The following CCDC102B variants were observed in gnomAD, a reference collection of about 807,000 sequenced individuals.
CCDC102B encodes coiled-coil domain-containing protein 102B.
Under a neutral mutation model 57.4 loss-of-function variants are expected in CCDC102B, and 75 were observed. The ratio of observed to expected loss-of-function variants is 1.31; its 90% CI spans 1.08 to 1.58. The LOEUF (loss-of-function observed/expected upper bound fraction) is 1.58. Ranked by LOEUF, CCDC102B falls within the 40% of genes most tolerant of loss-of-function variation. CCDC102B has a pLI of 0.00. For missense variants in CCDC102B, 636 were observed against 582.6 expected, an observed-to-expected ratio of 1.09 and a Z score of -0.94; for synonymous variants, 206 against 201.9, an observed-to-expected ratio of 1.02 and a Z score of -0.17.
At chr18:68,902,634 T>C (rs1475687131) in intron 6 of CCDC102B, among the ~76,000 whole-genome samples, 1 of 152,194 alleles carries the variant, frequency 6.6e-6, no homozygotes, top group Non-Finnish European at 1.5e-5. Flanking sequence ...TCCTATTGCT[T>C]GTTTACCTGT....
At chr18:69,010,098 ATT>A (rs71717825) in intron 6 of CCDC102B, among the ~76,000 whole-genome samples, 46,250 of 55,006 alleles carry the variant, frequency 0.84, 20,270 homozygotes, top group Non-Finnish European at 0.97. Context: ...TGCCCGGCTA[ATT>A]TTTTTTTTTT....
chr18:68,838,492 T>C, intron 2 of CCDC102B: 2 of 985,236 alleles, frequency 2.0e-6, no homozygotes, highest in Non-Finnish European at 2.4e-6. Flanking sequence ...TTTTGAGAAA[T>C]GTATTTTTTT....
At chr18:68,956,572 T>TA (rs1555733260) in intron 6 of CCDC102B, among the ~76,000 whole-genome samples, 34 of 5,530 alleles carry the variant, frequency 6.1e-3, no homozygotes, top group East Asian at 0.013. Context: ...ATTATATATT[T>TA]TATATATATA....
At chr18:68,730,492 T>C (rs1160300728) in intron 2 of CCDC102B, among the ~76,000 whole-genome samples, 2 of 152,200 alleles carry the variant, frequency 1.3e-5, no homozygotes, top group African/African-American at 2.4e-5. Context: ...GTAGTTATTA[T>C]GCCATTTTTT....
In CCDC102B at chr18:68,825,044, CTCTT is replaced by C. The variant is rs371300608; in HGVS notation, c.-15-11700_-15-11697del. On this transcript the variant is annotated intron_variant, in intron 1 of 7. Coordinates refer to ENST00000360242, the MANE Select transcript of CCDC102B (RefSeq NM_024781.3). ...CTTTTTCTTTCTCTTTTATCTTTCT[CTCTT>C]TCTTGCTGTCCACAAGTTTCATTGT... is the stretch of plus-strand genomic sequence containing the variant. Among the ~76,000 whole-genome samples the C allele has an allele frequency of 1.4e-3, 207 of 152,280 alleles. 1 individual carries two copies. Among genetic ancestry groups the C allele is most frequent in the African/African-American group, 4.7e-3 (194 of 41,574 alleles).
intron 1 of CCDC102B, among the ~76,000 whole-genome samples, chr18:68,807,582 C>T (rs1233548470): frequency 6.6e-6 from 1 of 152,094 alleles, no homozygotes; most frequent in Non-Finnish European, 1.5e-5. Flanking sequence ...TGCAGCTTTC[C>T]TTGCACATGG....
Position 68,790,538 on chromosome 18 carries a change from G to A in CCDC102B, c.-66-32828G>A, listed in dbSNP as rs539917702. Among the ~76,000 whole-genome samples, 28 of 152,276 alleles carry A rather than the reference G, an allele frequency of 1.8e-4. No individual in the cohort carries two copies. In the South Asian group the frequency reaches 2.9e-3, roughly 16 times the overall value. ...GCGGGATATAATCTCGTGGTGCGCC[G>A]TTTTTCAAGCCCGTCGGAAAAGTGC... is the stretch of plus-strand genomic sequence containing the variant. On this transcript the variant is annotated intron_variant, in intron 2 of 3. Coordinates refer to the CCDC102B transcript ENST00000578970.
intron 2 of CCDC102B, among the ~76,000 whole-genome samples, chr18:68,782,499 A>T (rs1036629987): frequency 6.6e-6 from 1 of 152,152 alleles, no homozygotes. Context: ...TAATTAGCTA[A>T]TTGCACTGCA....
intron 6 of CCDC102B, among the ~76,000 whole-genome samples, chr18:68,997,987 G>A (rs972406674): frequency 2.0e-5 from 3 of 151,826 alleles, no homozygotes; most frequent in African/African-American, 2.4e-5. Context: ...TAGCTTTTCC[G>A]TCAGATTGAT....
At chr18:69,010,904 A>C in intron 6 of CCDC102B, 30 bp from the exon 7 acceptor site, 1 of 1,523,824 alleles carries the variant, frequency 6.6e-7, no homozygotes, top group Non-Finnish European at 8.9e-7. Flanking sequence ...ATAGACTATA[A>C]ATAATGTAAT....
intron 4 of CCDC102B, among the ~76,000 whole-genome samples, chr18:68,868,770 C>G (rs1328013863): frequency 1.3e-5 from 2 of 152,036 alleles, no homozygotes; most frequent in East Asian, 1.9e-4. Context: ...AATTTATTGA[C>G]CAAGGTCAAT....
chr18:68,752,030 G>A (rs1284500119), intron 2 of CCDC102B, among the ~76,000 whole-genome samples: 2 of 152,188 alleles, frequency 1.3e-5, no homozygotes, highest in African/African-American at 4.8e-5. Flanking sequence ...GGGAGGCCAA[G>A]GCGGGCAGAT....
rs537116773 is a variant in CCDC102B, at chr18:69,026,241, G to A, written c.1434+15137G>A. On this transcript the variant is annotated intron_variant, in intron 7 of 7. Coordinates refer to ENST00000360242, the MANE Select transcript of CCDC102B (RefSeq NM_024781.3). ...AGCACTTTGGAAGGCCTTGGCGGGT[G>A]GATCACCTGAGGTCAGGAGTTCGAG... is the stretch of plus-strand genomic sequence containing the variant. Among the ~76,000 whole-genome samples, 5 of 152,194 alleles carry A rather than the reference G, an allele frequency of 3.3e-5. No homozygotes were observed. In the South Asian group the frequency reaches 1.0e-3, roughly 32 times the overall value.
chr18:68,956,317 ATATTT>A (rs1394089709), intron 6 of CCDC102B, among the ~76,000 whole-genome samples: 1 of 60,292 alleles, frequency 1.7e-5, no homozygotes, highest in Non-Finnish European at 3.1e-5. Flanking sequence ...CTTTATAGAT[ATATTT>A]TATATATATT....
At chr18:68,948,674 T>A (rs1257212280) in intron 6 of CCDC102B, among the ~76,000 whole-genome samples, 1 of 152,068 alleles carries the variant, frequency 6.6e-6, no homozygotes, top group African/African-American at 2.4e-5. Flanking sequence ...CGGAAGCCTC[T>A]ATTATGCCTG....
At chr18:68,897,126 G>A in intron 5 of CCDC102B, 93 bp from the exon 6 acceptor site, 1 of 895,010 alleles carries the variant, frequency 1.1e-6, no homozygotes, top group Non-Finnish European at 1.8e-6. Context: ...ACATATCCAT[G>A]AACTTTTCTT....
At chr18:68,784,522 C>T (rs1184409163) in intron 2 of CCDC102B, among the ~76,000 whole-genome samples, 1 of 152,052 alleles carries the variant, frequency 6.6e-6, no homozygotes, top group Non-Finnish European at 1.5e-5. Context: ...TACCAGCCAT[C>T]AAACCTGGTT....
chr18:69,040,554 T>G (rs1056489672), intron 7 of CCDC102B, among the ~76,000 whole-genome samples: 1 of 151,894 alleles, frequency 6.6e-6, no homozygotes, highest in East Asian at 1.9e-4. Context: ...AGATTTTTCA[T>G]TAACTATCCT....
At chr18:68,765,019 C>T (rs2034377281) in intron 2 of CCDC102B, among the ~76,000 whole-genome samples, 1 of 147,490 alleles carries the variant, frequency 6.8e-6, no homozygotes, top group Non-Finnish European at 1.5e-5. Context: ...TGCACTCCAG[C>T]CTGGGTGACA....
Sources: allele counts gnomAD v4.1 joint callset (sites outside exome capture counted in the v4.1 genomes callset), GRCh38; gene constraint gnomAD v4.1.1; transcripts MANE v1.5; gene names NCBI Gene and HGNC (gene_info 2026-07-23, HGNC 2026-07-21).